The following SGCG variants were observed in gnomAD, a reference collection of about 807,000 sequenced individuals.
SGCG encodes the protein gamma-sarcoglycan.
Under a neutral mutation model 29.3 loss-of-function variants are expected in SGCG, and 26 were observed. That is an observed-to-expected ratio of 0.89 (90% CI 0.65 to 1.23). The LOEUF (loss-of-function observed/expected upper bound fraction) is 1.23, where lower values mean the gene tolerates loss of function less well. Ranked by LOEUF, SGCG falls within the 50% of genes most tolerant of loss-of-function variation. The probability of loss-of-function intolerance (pLI) is 0.00; values close to 1 mark genes in which losing one functional copy is unlikely to be tolerated. For missense variants in SGCG, 353 were observed against 356.0 expected, an observed-to-expected ratio of 0.99 and a Z score of 0.07; for synonymous variants, 145 against 129.7, an observed-to-expected ratio of 1.12 and a Z score of -0.80.
intron 5 of SGCG, among the ~76,000 whole-genome samples, chr13:23,285,258 A>G (rs7322579): frequency 0.065 from 9,852 of 152,244 alleles, 470 homozygotes; most frequent in East Asian, 0.12. Context: ...AGTTTTATCT[A>G]TAACTCCCTG....
chr13:23,286,307 A>T (rs1796762393), intron 5 of SGCG, among the ~76,000 whole-genome samples: 1 of 152,244 alleles, frequency 6.6e-6, no homozygotes, highest in African/African-American at 2.4e-5. Flanking sequence ...GGGTTTAGGA[A>T]GTCAGAAATG....
rs755504994 is a variant in SGCG at position 23,324,575 on chromosome 13, C to A, written c.*34C>A. 2.5e-6 allele frequency: 4 copies of A among 1,586,702 alleles called. No homozygotes were observed. Among genetic ancestry groups the A allele is most frequent in the Non-Finnish European group, 3.4e-6 (4 of 1,164,106 alleles). On this transcript the variant is annotated 3_prime_UTR_variant, in exon 8 of 8. Coordinates refer to ENST00000218867, the MANE Select transcript of SGCG (RefSeq NM_000231.3). The stretch of plus-strand genomic sequence containing the variant: ...CGTCCTCTCGGTGAGCTGTGCAGTG[C>A]CGGCCCCAGATCCTCACACCCAGGG...
intron 5 of SGCG, among the ~76,000 whole-genome samples, chr13:23,285,352 C>T (rs763265846): frequency 1.6e-4 from 24 of 152,072 alleles, no homozygotes; most frequent in South Asian, 4.2e-4. Context: ...GCAGCTTTGT[C>T]GAGGCTCGGT....
chr13:23,317,735 G>A (rs1882875808), intron 6 of SGCG, among the ~76,000 whole-genome samples: 1 of 152,164 alleles, frequency 6.6e-6, no homozygotes, highest in African/African-American at 2.4e-5. Flanking sequence ...TATGTTGGGT[G>A]TAATTATGAC....
intron 2 of SGCG, among the ~76,000 whole-genome samples, chr13:23,206,766 A>G (rs1073718): frequency 0.42 from 63,162 of 152,028 alleles, 13,404 homozygotes; most frequent in East Asian, 0.66. Context: ...AACTAAGAAG[A>G]TTAAAGACTT....
At chr13:23,199,262 T>C (rs1474989652) in intron 1 of SGCG, among the ~76,000 whole-genome samples, 3 of 152,254 alleles carry the variant, frequency 2.0e-5, no homozygotes, top group African/African-American at 7.2e-5. Flanking sequence ...ATTATTTATC[T>C]TGGAATATAG....
chr13:23,216,431 A>G (rs2137520123), intron 2 of SGCG, among the ~76,000 whole-genome samples: 1 of 152,298 alleles, frequency 6.6e-6, no homozygotes, highest in East Asian at 1.9e-4. Context: ...AATGACCAAG[A>G]AGGAATGACA....
intron 1 of SGCG, among the ~76,000 whole-genome samples, chr13:23,200,298 C>A (rs1877689473): frequency 6.6e-6 from 1 of 151,952 alleles, no homozygotes; most frequent in African/African-American, 2.4e-5. Context: ...TGGCATGTGC[C>A]TGTAATCCCA....
chr13:23,180,552 A>G (rs1007918497), upstream of SGCG, among the ~76,000 whole-genome samples: 8 of 152,216 alleles, frequency 5.3e-5, no homozygotes, highest in African/African-American at 1.4e-4. Context: ...TATATAGGTA[A>G]TAGTCACAAG....
intron 1 of SGCG, among the ~76,000 whole-genome samples, chr13:23,200,950 G>A (rs762173883): frequency 2.0e-5 from 3 of 152,152 alleles, no homozygotes; most frequent in African/African-American, 7.2e-5. Context: ...AACCATGTCC[G>A]TCGGGGTGAG....
At chr13:23,299,456 A>ATATATATTTTTT (rs1882059808) in intron 6 of SGCG, among the ~76,000 whole-genome samples, 2 of 41,538 alleles carry the variant, frequency 4.8e-5, no homozygotes, top group African/African-American at 7.7e-5. Context: ...ATATATATAT[A>ATATATATTTTTT]TTTTTTTTTT....
chr13:23,204,672 CCTTCTTTCT>C (rs1177053526), intron 2 of SGCG, among the ~76,000 whole-genome samples: 3 of 144,820 alleles, frequency 2.1e-5, no homozygotes, highest in Non-Finnish European at 4.5e-5. Flanking sequence ...CCCTTCTTTC[CCTTCTTTCT>C]CCTCTTTCTC....
rs148976675 is a variant in SGCG, at chr13:23,305,916, G to T, written c.578+10429G>T. On this transcript the variant is annotated intron_variant, in intron 6 of 7. Coordinates refer to ENST00000218867, the MANE Select transcript of SGCG (RefSeq NM_000231.3). ...TTGTTCTTGCTCTGCTGCCTGCCCA[G>T]GCTAAAGTGCAAGAACACGATCTCA... 4.3e-3 allele frequency among the ~76,000 whole-genome samples: 658 copies of T among 152,236 alleles called. 1 individual carries two copies. Among genetic ancestry groups the T allele is most frequent in the Non-Finnish European group, 7.9e-3 (534 of 68,022 alleles).
At position 23,320,501 on chromosome 13, in the gene SGCG, A is replaced by T. The variant is rs1027270201; in HGVS notation, c.579-136A>T. ...GATTTATCAATGAATAATGCACAAT[A>T]TGTTACCATTTGAGAATGACTTGAA... is the stretch of plus-strand genomic sequence containing the variant. On this transcript the variant is annotated intron_variant, in intron 6 of 7. Coordinates refer to ENST00000218867, the MANE Select transcript of SGCG (RefSeq NM_000231.3). The T allele has an allele frequency of 2.8e-4, 206 of 736,770 alleles. 1 individual carries two copies. In the East Asian group the frequency reaches 5.6e-3, roughly 20 times the overall value. 45.6% of individuals were successfully genotyped at this position (736,770 alleles called of 1,614,324 possible). A position where few individuals can be genotyped will look rare whatever the true frequency, so the allele number is the denominator to read the frequency against.
intron 1 of SGCG, among the ~76,000 whole-genome samples, chr13:23,200,774 G>C (rs1047539550): frequency 6.6e-6 from 1 of 152,148 alleles, no homozygotes; most frequent in African/African-American, 2.4e-5. Flanking sequence ...TCTTTGCACA[G>C]AGAGTTGAGG....
rs115082029 is a variant in SGCG at position 23,217,779 on chromosome 13, C to A, written c.195+13890C>A. ...AGAAATTAAATGCTTTTACTGAGAT[C>A]GCACAACCAGAAAATGAGAGTTAGG... On this transcript the variant is annotated intron_variant, in intron 2 of 7. Transcript: ENST00000218867. Among the ~76,000 whole-genome samples the A allele has an allele frequency of 9.6e-3, 1,465 of 152,006 alleles. 26 individuals carry two copies. The highest frequency in any genetic ancestry group is 0.033 in the African/African-American group (1,364 of 41,450).
intron 6 of SGCG, among the ~76,000 whole-genome samples, chr13:23,315,486 A>G (rs1000160576): frequency 6.6e-6 from 1 of 152,158 alleles, no homozygotes; most frequent in African/African-American, 2.4e-5. Flanking sequence ...CAATGGCCTC[A>G]TGGGGAGTTC....
At chr13:23,271,438 A>G (rs1880874328) in intron 4 of SGCG, among the ~76,000 whole-genome samples, 3 of 152,164 alleles carry the variant, frequency 2.0e-5, no homozygotes, top group South Asian at 4.1e-4. Context: ...AATTAATCTC[A>G]TAATGCTTAA....
At chr13:23,288,353 GCTCT>G (rs1201921653) in intron 5 of SGCG, among the ~76,000 whole-genome samples, 1 of 152,114 alleles carries the variant, frequency 6.6e-6, no homozygotes, top group African/African-American at 2.4e-5. Context: ...AGATAAGGTG[GCTCT>G]CTCCTTAAGA....
Sources: gnomAD v4.1 joint callset for allele counts (sites outside exome capture counted in the v4.1 genomes callset) on GRCh38, gnomAD v4.1.1 for gene constraint, MANE v1.5 for transcripts, NCBI Gene and HGNC (gene_info 2026-07-23, HGNC 2026-07-21) for gene names.